The following CPPED1 variants were observed in gnomAD, a reference collection of about 807,000 sequenced individuals.
CPPED1 encodes calcineurin like phosphoesterase domain containing 1.
In CPPED1, 28 loss-of-function variants were observed where a neutral mutation model predicts 28.0. The observed-to-expected ratio is 1.00, with a 90% CI of 0.74 to 1.37. The LOEUF is 1.37. Ranked by LOEUF, CPPED1 falls within the 40% of genes most tolerant of loss-of-function variation. CPPED1 has a pLI of 0.00. For synonymous variants in CPPED1, 198 were observed against 180.2 expected (o/e 1.10, Z -0.79); for missense variants, 504 against 416.5 (o/e 1.21, Z -1.83).
chr16:12,758,546 T>C (rs973536872), intron 2 of CPPED1, among the ~76,000 whole-genome samples: 7 of 152,192 alleles, frequency 4.6e-5, no homozygotes, highest in Admixed American at 3.9e-4. Context: ...TGCCTGGCAT[T>C]GTTCCCATTC....
At chr16:12,790,144 C>T (rs1407241578) in intron 1 of CPPED1, among the ~76,000 whole-genome samples, 1 of 152,194 alleles carries the variant, frequency 6.6e-6, no homozygotes, top group Non-Finnish European at 1.5e-5. Context: ...CAATGCTTTA[C>T]CATTAATCTT....
At chr16:12,771,926 C>G (rs1324320065) in intron 2 of CPPED1, among the ~76,000 whole-genome samples, 1 of 152,130 alleles carries the variant, frequency 6.6e-6, no homozygotes, top group African/African-American at 2.4e-5. Flanking sequence ...AGTTTGAGAC[C>G]AGCCTGGCCA....
intron 2 of CPPED1, among the ~76,000 whole-genome samples, chr16:12,774,498 G>A (rs1378219818): frequency 2.0e-5 from 3 of 151,818 alleles, no homozygotes; most frequent in African/African-American, 7.3e-5. Context: ...AGAGTCATCT[G>A]CCTTATTAAC....
intron 1 of CPPED1, among the ~76,000 whole-genome samples, chr16:12,798,758 A>G (rs2080641688): frequency 6.6e-6 from 1 of 152,246 alleles, no homozygotes. Context: ...GGATTTCTTC[A>G]AAACAGAAGC....
intron 2 of CPPED1, among the ~76,000 whole-genome samples, chr16:12,713,383 T>A (rs2080089893): frequency 6.6e-6 from 1 of 152,188 alleles, no homozygotes; most frequent in African/African-American, 2.4e-5. Flanking sequence ...TTATTTTTTT[T>A]GAGATGGAGT....
chr16:12,779,748 G>A (rs1446640240), intron 2 of CPPED1, among the ~76,000 whole-genome samples: 1 of 151,926 alleles, frequency 6.6e-6, no homozygotes, highest in African/African-American at 2.4e-5. Flanking sequence ...CCATGAGGAG[G>A]AACTGATACA....
chr16:12,687,140 G>A (rs1236090609), intron 3 of CPPED1, among the ~76,000 whole-genome samples: 2 of 151,902 alleles, frequency 1.3e-5, no homozygotes, highest in East Asian at 1.9e-4. Flanking sequence ...TACAGAAACC[G>A]TTTGCCAACT....
intron 2 of CPPED1, among the ~76,000 whole-genome samples, chr16:12,735,993 A>G (rs535090559): frequency 1.3e-5 from 2 of 152,156 alleles, no homozygotes; most frequent in Non-Finnish European, 2.9e-5. Flanking sequence ...CAGTGCATAA[A>G]GGGATCAGGT....
intron 2 of CPPED1, among the ~76,000 whole-genome samples, chr16:12,718,850 C>T (rs2080122096): frequency 6.6e-6 from 1 of 152,094 alleles, no homozygotes; most frequent in African/African-American, 2.4e-5. Context: ...ATAATAGCAG[C>T]TATTTGGTAG....
At chr16:12,787,460 C>A (rs181613224) in intron 1 of CPPED1, among the ~76,000 whole-genome samples, 1 of 145,914 alleles carries the variant, frequency 6.9e-6, no homozygotes, top group Non-Finnish European at 1.5e-5. Context: ...GACTGCAGTG[C>A]GGTGGCGTGG....
At chr16:12,706,433 ACTTT>A (rs1209890841) in intron 2 of CPPED1, among the ~76,000 whole-genome samples, 7 of 148,388 alleles carry the variant, frequency 4.7e-5, no homozygotes, top group South Asian at 2.2e-4. Context: ...CAACCTAAAT[ACTTT>A]CTTTCTTTCC....
chr16:12,694,035 A>G lies in CPPED1; in HGVS notation c.715+10589T>C, dbSNP rs185267367. 5.9e-5 allele frequency among the ~76,000 whole-genome samples: 9 copies of G among 152,222 alleles called. No homozygotes were observed. The East Asian group carries it at 1.5e-3, about 26-fold the overall frequency. On this transcript the variant is annotated intron_variant, in intron 3 of 3. Coordinates refer to ENST00000381774, the MANE Select transcript of CPPED1 (RefSeq NM_018340.3). ...AGCCTGGCCAACATGGTGAAACCCTATAGCTTCTAAAAATACAAAAATTAG... is the reference window on the plus strand; with the variant it reads ...AGCCTGGCCAACATGGTGAAACCCTGTAGCTTCTAAAAATACAAAAATTAG...
chr16:12,739,219 CTAAATGAATGGA>C (rs1227685015), intron 2 of CPPED1, among the ~76,000 whole-genome samples: 2 of 152,154 alleles, frequency 1.3e-5, no homozygotes, highest in Non-Finnish European at 2.9e-5. Context: ...GCCCTGGACA[CTAAATGAATGGA>C]TAAATGAATG....
intron 2 of CPPED1, among the ~76,000 whole-genome samples, chr16:12,720,020 C>T (rs1169222634): frequency 1.3e-5 from 2 of 152,138 alleles, no homozygotes; most frequent in East Asian, 3.9e-4. Flanking sequence ...CACACACACA[C>T]ATACACACAC....
chr16:12,723,221 T>C (rs1002469567), intron 2 of CPPED1, among the ~76,000 whole-genome samples: 2 of 152,200 alleles, frequency 1.3e-5, no homozygotes, highest in African/African-American at 2.4e-5. Context: ...CCTCTTCCCC[T>C]AACAGAGCAG....
chr16:12,721,705 G>T (rs932351774), intron 2 of CPPED1, among the ~76,000 whole-genome samples: 1 of 149,878 alleles, frequency 6.7e-6, no homozygotes, highest in African/African-American at 2.5e-5. Flanking sequence ...AGTGAGCCAA[G>T]ATCACACCAC....
At chr16:12,739,559 C>T (rs56176037) in intron 2 of CPPED1, among the ~76,000 whole-genome samples, 1 of 151,924 alleles carries the variant, frequency 6.6e-6, no homozygotes, top group Non-Finnish European at 1.5e-5. Context: ...CCAGTCTGGA[C>T]AACAAGAGCA....
intron 2 of CPPED1, among the ~76,000 whole-genome samples, chr16:12,706,830 G>A (rs1047480706): frequency 6.6e-6 from 1 of 152,128 alleles, no homozygotes; most frequent in African/African-American, 2.4e-5. Flanking sequence ...CCTGCTGCAG[G>A]GGTCAGCCAG....
At chr16:12,755,009 C>CA (rs2080356083) in intron 2 of CPPED1, among the ~76,000 whole-genome samples, 2 of 152,088 alleles carry the variant, frequency 1.3e-5, no homozygotes, top group Middle Eastern at 3.4e-3. Context: ...ATCTGTTGTA[C>CA]AAAAAATGTG....
Sources: gnomAD v4.1 joint callset for allele counts (sites outside exome capture counted in the v4.1 genomes callset) on GRCh38, gnomAD v4.1.1 for gene constraint, MANE v1.5 for transcripts, NCBI Gene and HGNC (gene_info 2026-07-23, HGNC 2026-07-21) for gene names.